Variants in FBF1 observed in about 807,000 individuals in gnomAD.
FBF1 encodes fas-binding factor 1.
FBF1 carries 119 observed loss-of-function variants against 147.2 expected under a neutral mutation model. The observed-to-expected ratio is 0.81, with a 90% CI of 0.70 to 0.94. The LOEUF (loss-of-function observed/expected upper bound fraction) is 0.94. FBF1 is among the 40% of genes least tolerant of loss of function. FBF1 has a pLI of 0.00. For missense variants in FBF1, 1,449 were observed against 1,500.8 expected (o/e 0.97, Z 0.57); for synonymous variants, 601 against 609.0 (o/e 0.99, Z 0.19).
At position 75,917,833 on chromosome 17, in the gene FBF1, C is replaced by A. The variant is rs1339205690; in HGVS notation, c.2404G>T (p.Gly802Cys). The change falls in exon 23 of 30, where the codon GGC (glycine) becomes TGC (cysteine). Residue 802 changes from glycine (G) to cysteine (C), a missense_variant. Coordinates refer to ENST00000636174, the MANE Select transcript of FBF1 (RefSeq NM_001319193.2). Reference protein sequence around the residue: ...EQLRALQERLGQQQRDMEEER... With the variant: ...EQLRALQERLCQQQRDMEEER... Reference sequence around the variant, plus strand: ...TCCTCCATGTCCCGCTGCTGCTGGCCCAGCCGCTCCTGCAGTGCTGGGGGC... The same window carrying A: ...TCCTCCATGTCCCGCTGCTGCTGGCACAGCCGCTCCTGCAGTGCTGGGGGC... 1.2e-6 allele frequency: 2 copies of A among 1,606,954 alleles called. No individual in the cohort carries two copies. Among genetic ancestry groups the A allele is most frequent in the East Asian group, 4.5e-5 (2 of 44,574 alleles).
chr17:75,932,469 G>A (rs933811473), intron 5 of FBF1, among the ~76,000 whole-genome samples: 5 of 152,092 alleles, frequency 3.3e-5, no homozygotes, highest in East Asian at 1.9e-4. Flanking sequence ...AAGTGAGCAC[G>A]GCCAGGTGCG....
chr17:75,934,954 T>C (rs1314462465), intron 4 of FBF1, among the ~76,000 whole-genome samples: 8 of 150,674 alleles, frequency 5.3e-5, no homozygotes, highest in East Asian at 3.9e-4. Flanking sequence ...GGCAAATCCA[T>C]AGAGACAGAG....
Position 75,918,104 on chromosome 17 carries a change from T to A in FBF1, c.2247-34A>T, listed in dbSNP as rs1395339416. On this transcript the variant is annotated intron_variant, in intron 21 of 29. Coordinates refer to ENST00000636174, the MANE Select transcript of FBF1 (RefSeq NM_001319193.2). The surrounding 1 kb of genome is among the most constrained non-coding windows in gnomAD (Gnocchi z 5.8). ...AGACTGGGTCACCCCCTCCTGACGGTCTCGGGGACCTTCCGGCCCCCAACG... is the reference window on the plus strand; with the variant it reads ...AGACTGGGTCACCCCCTCCTGACGGACTCGGGGACCTTCCGGCCCCCAACG... 6.2e-7 allele frequency: 1 copy of A among 1,606,152 alleles called. No individual in the cohort carries two copies. The highest frequency in any genetic ancestry group is 1.1e-5 in the South Asian group (1 of 90,456).
rs979423807 is a variant in FBF1 at position 75,923,340 on chromosome 17, C to G, written c.1270G>C (p.Ala424Pro). 1.9e-6 allele frequency: 3 copies of G among 1,603,252 alleles called. No individual in the cohort carries two copies. The South Asian group carries it at 3.4e-5, about 18-fold the overall frequency. The change falls in exon 14 of 30, where the codon GCT (alanine) becomes CCT (proline). Residue 424 changes from alanine to proline, a missense_variant. Coordinates refer to ENST00000636174, the MANE Select transcript of FBF1 (RefSeq NM_001319193.2). This position sits in a 1 kb window ranked among gnomAD's most constrained non-coding sequence, Gnocchi z 4.1. ...TCCTTGGAGGCTCGCAGCTTGGAAGCCTGGCTGGCTTTGGCAGGGGACCCT... is the reference window on the plus strand; with the variant it reads ...TCCTTGGAGGCTCGCAGCTTGGAAGGCTGGCTGGCTTTGGCAGGGGACCCT... ...GAGSPAKASQASKLRASKEEK... is the reference protein window; with the variant it reads ...GAGSPAKASQPSKLRASKEEK...
chr17:75,925,694 GCAGA>G lies in FBF1; in HGVS notation c.869-252_869-249del, dbSNP rs1567861737. Reference sequence around the variant, plus strand: ...GCATGTGTCACAAGAATGATTCTCAGCAGACAGCTTGTGGGCTGATGCTTTGAGA... The same window carrying G: ...GCATGTGTCACAAGAATGATTCTCAGCAGCTTGTGGGCTGATGCTTTGAGA... On this transcript the variant is annotated intron_variant, in intron 12 of 29. Coordinates refer to ENST00000636174, the MANE Select transcript of FBF1 (RefSeq NM_001319193.2). This position sits in a 1 kb window ranked among gnomAD's most constrained non-coding sequence, Gnocchi z 5.0. 6.6e-6 allele frequency among the ~76,000 whole-genome samples: 1 copy of G among 152,204 alleles called. No homozygotes were observed. The highest frequency in any genetic ancestry group is 2.4e-5 in the African/African-American group (1 of 41,454).
chr17:75,919,762 C>T lies in FBF1; in HGVS notation c.2044G>A (p.Ala682Thr), dbSNP rs756606274. 7 of 1,613,458 alleles carry T rather than the reference C, an allele frequency of 4.3e-6. No individual in the cohort carries two copies. The African/African-American group carries it at 6.7e-5, about 15-fold the overall frequency. Reference sequence around the variant, plus strand: ...TGCTGGGCCGTAAGCTCAGCACGGGCCTGTTCGGCCTCCTGGCACTGCGAC... The same window carrying T: ...TGCTGGGCCGTAAGCTCAGCACGGGTCTGTTCGGCCTCCTGGCACTGCGAC... ...YLSQCQEAEQ[A>T]RAELTAQHQR... The change falls in exon 20 of 30, where the codon GCC becomes ACC. Residue 682 changes from alanine to threonine, a missense_variant. By Grantham distance (58) the Ala-to-Thr change is moderately conservative (BLOSUM62 0). Coordinates refer to ENST00000636174, the MANE Select transcript of FBF1 (RefSeq NM_001319193.2). This position sits in a 1 kb window ranked among gnomAD's most constrained non-coding sequence, Gnocchi z 5.0.
Position 75,923,052 on chromosome 17 carries a change from C to T in FBF1, c.1424+134G>A, listed in dbSNP as rs962993853. On this transcript the variant is annotated intron_variant, in intron 14 of 29. Coordinates refer to ENST00000636174, the MANE Select transcript of FBF1 (RefSeq NM_001319193.2). The surrounding 1 kb of genome is among the most constrained non-coding windows in gnomAD (Gnocchi z 4.1). ...AAGGCAGAGTAGCAAAGCCAAGAAG[C>T]GGCCTCTGTGGCCACGGCGCCCTGC... 4.5e-5 allele frequency: 39 copies of T among 860,406 alleles called. No homozygotes were observed. The highest frequency in any genetic ancestry group is 6.2e-5 in the Non-Finnish European group (35 of 563,448). The allele number at this position is 860,406 out of a possible 1,614,324, so 53.3% of individuals were successfully genotyped here.
In FBF1 at chr17:75,938,513, G is replaced by GC. The variant is rs1010811208; in HGVS notation, c.-83-282dup. ...GGAAGCTGCAGTGAGCCAAGACCGC[G>GC]CCACTGCACTCCAACCTAGGCAACA... On this transcript the variant is annotated intron_variant, in intron 1 of 29. Transcript: ENST00000636174. Among the ~76,000 whole-genome samples the GC allele has an allele frequency of 3.2e-5, 4 of 125,706 alleles. No individual in the cohort carries two copies. In the Admixed American group the frequency reaches 3.9e-4, roughly 12 times the overall value. The allele number at this position is 125,706 out of a possible 152,430, so 82.5% of individuals were successfully genotyped here. A position where few individuals can be genotyped will look rare whatever the true frequency, so the allele number is the denominator to read the frequency against.
In FBF1 at chr17:75,913,719, G is replaced by A. The variant is rs774090533; in HGVS notation, c.3230C>T (p.Ala1077Val). 5.6e-6 allele frequency: 9 copies of A among 1,597,494 alleles called. No individual in the cohort carries two copies. The South Asian group carries it at 7.8e-5, about 14-fold the overall frequency. Reference protein sequence around the residue: ...VGLFPRAQGPAASSQSALMPP... With the variant: ...VGLFPRAQGPVASSQSALMPP... ...CCACTCACCACTCTGGCTGGAGGCTGCAGGGCCCTGGGCCCTGGGGAACAG... is the reference window on the plus strand; with the variant it reads ...CCACTCACCACTCTGGCTGGAGGCTACAGGGCCCTGGGCCCTGGGGAACAG... The change falls in exon 28 of 30, where the codon GCA becomes GTA. Residue 1077 changes from alanine to valine, a missense_variant. By Grantham distance (64) the Ala-to-Val change is moderately conservative. Coordinates refer to ENST00000636174, the MANE Select transcript of FBF1 (RefSeq NM_001319193.2).
In FBF1 at chr17:75,911,487, T is replaced by C. The variant is rs921020227; in HGVS notation, c.3364-681A>G. Among the ~76,000 whole-genome samples the C allele has an allele frequency of 2.6e-5, 4 of 151,762 alleles. No homozygotes were observed. In the East Asian group the frequency reaches 5.8e-4, roughly 22 times the overall value. On this transcript the variant is annotated intron_variant, in intron 29 of 29. Transcript: ENST00000636174. ...TCAGCCTCCCAAGTAGCTGGGACTA[T>C]AGATATGCCCCACCATGCCCAGCTA...
chr17:75,913,710 C>G lies in FBF1; in HGVS notation c.3239G>C (p.Ser1080Thr), dbSNP rs1180102005. The G allele has an allele frequency of 6.3e-7, 1 of 1,594,886 alleles. No homozygotes were observed. The highest frequency in any genetic ancestry group is 1.7e-4 in the Middle Eastern group (1 of 6,052). Reference protein sequence around the residue: ...FPRAQGPAASSQSALMPPAPT... With the variant: ...FPRAQGPAASTQSALMPPAPT... The stretch of plus-strand genomic sequence containing the variant: ...CTTCTGGAGCCACTCACCACTCTGG[C>G]TGGAGGCTGCAGGGCCCTGGGCCCT... The change falls in exon 28 of 30, where the codon AGC (serine) becomes ACC (threonine). Residue 1080 changes from serine to threonine, a missense_variant. Transcript: ENST00000636174.
intron 23 of FBF1, among the ~76,000 whole-genome samples, chr17:75,916,953 C>A (rs1268000839): frequency 6.6e-6 from 1 of 152,220 alleles, no homozygotes; most frequent in African/African-American, 2.4e-5. Flanking sequence ...TAGATTCAAG[C>A]GATTCTCCCA....
chr17:75,937,699 C>G, intron 2 of FBF1, 106 bp from the exon 3 acceptor site: 4 of 1,130,682 alleles, frequency 3.5e-6, no homozygotes, highest in Non-Finnish European at 2.7e-6. Flanking sequence ...TAACCAGAGG[C>G]AAGAGCACCA....
At chr17:75,937,750 T>G in intron 2 of FBF1, 157 bp from the exon 3 acceptor site, 1 of 809,218 alleles carries the variant, frequency 1.2e-6, no homozygotes, top group Non-Finnish European at 2.1e-6. Context: ...GTTCCTATAG[T>G]TTCTGAGAAC....
At chr17:75,931,108 A>T (rs1170102610) in intron 6 of FBF1, 121 bp downstream of exon 6, 1 of 1,070,118 alleles carries the variant, frequency 9.3e-7, no homozygotes, top group Admixed American at 2.2e-5. Context: ...AAACAAACAA[A>T]AAGAACAAAG....
chr17:75,930,986 T>C (rs1183343465), intron 6 of FBF1, among the ~76,000 whole-genome samples: 1 of 152,012 alleles, frequency 6.6e-6, no homozygotes, highest in Non-Finnish European at 1.5e-5. Context: ...GCCCAGCTAC[T>C]TGGGAGGCTG....
At position 75,923,993 on chromosome 17, in the gene FBF1, G is replaced by T. The variant is rs577368831; in HGVS notation, c.969-352C>A. Among the ~76,000 whole-genome samples the T allele has an allele frequency of 6.6e-6, 1 of 152,048 alleles. No individual in the cohort carries two copies. Among genetic ancestry groups the T allele is most frequent in the Non-Finnish European group, 1.5e-5 (1 of 68,018 alleles). On this transcript the variant is annotated intron_variant, in intron 13 of 29. Coordinates refer to ENST00000636174, the MANE Select transcript of FBF1 (RefSeq NM_001319193.2). This position sits in a 1 kb window ranked among gnomAD's most constrained non-coding sequence, Gnocchi z 4.1. ...TTTGGGAGGCCAGGGTGGGCAGATC[G>T]CTTAAGGCCAGGAGTTCAAGACCAG...
At chr17:75,932,478 C>T (rs1289805158) in intron 5 of FBF1, among the ~76,000 whole-genome samples, 3 of 152,010 alleles carry the variant, frequency 2.0e-5, no homozygotes, top group Non-Finnish European at 2.9e-5. Flanking sequence ...CGGCCAGGTG[C>T]GAGTGACTCA....
chr17:75,912,929 A>C (rs2065464282), intron 28 of FBF1, among the ~76,000 whole-genome samples: 1 of 151,968 alleles, frequency 6.6e-6, no homozygotes, highest in African/African-American at 2.4e-5. Context: ...AATCGCAGCT[A>C]CTTGGGAGGC....
Sources: allele counts gnomAD v4.1 joint callset (sites outside exome capture counted in the v4.1 genomes callset), GRCh38; gene constraint gnomAD v4.1.1; non-coding constraint Gnocchi (gnomAD v3.1); transcripts MANE v1.5; gene names NCBI Gene and HGNC (gene_info 2026-07-23, HGNC 2026-07-21).